The following C2orf42 variants were observed in gnomAD, a reference collection of about 807,000 sequenced individuals.
C2orf42 encodes the protein uncharacterized protein C2orf42.
In C2orf42, 44 loss-of-function variants were observed where a neutral mutation model predicts 58.9. That is an observed-to-expected ratio of 0.75 (90% CI 0.59 to 0.96). The LOEUF is 0.96. Ranked by LOEUF, C2orf42 falls within the 40% of genes least tolerant of loss-of-function variation. The pLI, the probability that C2orf42 is intolerant of heterozygous loss-of-function variation, is 0.00. For synonymous variants in C2orf42, 239 were observed against 265.4 expected (o/e 0.90, Z 0.97); for missense variants, 630 against 699.2 (o/e 0.90, Z 1.12).
At chr2:70,185,180 C>A (rs1376882883) in intron 1 of C2orf42, among the ~76,000 whole-genome samples, 1 of 152,080 alleles carries the variant, frequency 6.6e-6, no homozygotes, top group African/African-American at 2.4e-5. Context: ...GCGGGTGGAA[C>A]ACCTGAGGGC....
intron 6 of C2orf42, 62 bp downstream of exon 6, chr2:70,169,495 A>G (rs573027785): frequency 3.9e-5 from 33 of 836,738 alleles, no homozygotes; most frequent in Non-Finnish European, 6.3e-5. Flanking sequence ...GGAGAATTAC[A>G]GCACAATTAC....
intron 9 of C2orf42, among the ~76,000 whole-genome samples, chr2:70,153,946 G>A (rs1672476514): frequency 6.6e-6 from 1 of 151,176 alleles, no homozygotes; most frequent in Admixed American, 6.6e-5. Context: ...CCAGCTACTC[G>A]GGAGGCTGAG....
Position 70,175,550 on chromosome 2 carries a change from C to T in C2orf42, c.1039+123G>A, listed in dbSNP as rs1026076931. The T allele has an allele frequency of 1.0e-4, 72 of 723,614 alleles. No individual in the cohort carries two copies. The African/African-American group carries it at 1.1e-3, about 11-fold the overall frequency. The allele number at this position is 723,614 out of a possible 1,614,324, so 44.8% of individuals were successfully genotyped here. ...GGTGGGACAGGAGGGACCTCAGCCTCAGTGCTTCTGTTAGTATTTATGCTG... is the reference window on the plus strand; with the variant it reads ...GGTGGGACAGGAGGGACCTCAGCCTTAGTGCTTCTGTTAGTATTTATGCTG... On this transcript the variant is annotated intron_variant, in intron 5 of 9. Coordinates refer to ENST00000264434, the MANE Select transcript of C2orf42 (RefSeq NM_017880.3).
intron 5 of C2orf42, among the ~76,000 whole-genome samples, chr2:70,172,223 C>CA (rs1171174664): frequency 0.041 from 2,368 of 57,490 alleles, 69 homozygotes; most frequent in African/African-American, 0.1. Flanking sequence ...GACTCTGTCT[C>CA]AAAAAAAAAA....
At position 70,181,715 on chromosome 2, in the gene C2orf42, C is replaced by T. The variant is rs370670280; in HGVS notation, c.271G>A (p.Glu91Lys). 12 of 1,614,022 alleles carry T rather than the reference C, an allele frequency of 7.4e-6. No individual in the cohort carries two copies. Among genetic ancestry groups the T allele is most frequent in the African/African-American group, 1.3e-5 (1 of 74,894 alleles). ...DRGPDYRCFV[E>K]LGVSETTIQT... ...ATTGTTGTCTCTGAAACCCCGAGCT[C>T]CACAAAGCATCGGTAATCAGGGCCC... The change falls in exon 3 of 10, where the codon GAG becomes AAG. Residue 91 changes from glutamate to lysine, a missense_variant. By Grantham distance (56) the Glu-to-Lys change is moderately conservative. Transcript: ENST00000264434.
chr2:70,189,143 C>T (rs1300430360), intron 1 of C2orf42, among the ~76,000 whole-genome samples: 4 of 152,030 alleles, frequency 2.6e-5, no homozygotes, highest in Non-Finnish European at 1.5e-5. Context: ...CACGGTGGCT[C>T]ACACCTGTAA....
At chr2:70,157,583 G>A (rs1401727839) in intron 9 of C2orf42, among the ~76,000 whole-genome samples, 1 of 151,290 alleles carries the variant, frequency 6.6e-6, no homozygotes, top group African/African-American at 2.4e-5. Context: ...GATCATCTGA[G>A]GTTAGAAATT....
At chr2:70,161,607 G>A (rs1558659173) in intron 8 of C2orf42, among the ~76,000 whole-genome samples, 1 of 152,106 alleles carries the variant, frequency 6.6e-6, no homozygotes, top group Admixed American at 6.6e-5. Context: ...TTGGGAGGCT[G>A]AGGTAGGCGG....
rs749571233 is a variant in C2orf42, at chr2:70,150,475, G to A, written c.1606C>T (p.Arg536Trp). 2.3e-5 allele frequency: 37 copies of A among 1,613,950 alleles called. No individual in the cohort carries two copies. The highest frequency in any genetic ancestry group is 2.2e-5 in the East Asian group (1 of 44,898). ...ILPQSKIGELRIKFEYGHHRN... is the reference protein window; with the variant it reads ...ILPQSKIGELWIKFEYGHHRN... ...TGGTGGCCATACTCAAACTTGATCC[G>A]CAGCTCGCCAATCTTAGATTGGGGA... Residue 536 changes from arginine to tryptophan, a missense_variant, in exon 10 of 10, where the codon CGG becomes TGG. Arg to Trp is a moderately radical substitution (Grantham distance 101). Transcript: ENST00000264434.
intron 6 of C2orf42, among the ~76,000 whole-genome samples, chr2:70,168,943 G>C (rs1424865765): frequency 6.6e-6 from 1 of 151,896 alleles, no homozygotes; most frequent in East Asian, 1.9e-4. Flanking sequence ...TTGAACTCCT[G>C]ACCTCAAGTG....
At chr2:70,168,458 T>G (rs1673560597) in intron 6 of C2orf42, among the ~76,000 whole-genome samples, 1 of 150,586 alleles carries the variant, frequency 6.6e-6, no homozygotes, top group African/African-American at 2.4e-5. Context: ...TGGCTAATTT[T>G]TTTGTATTTT....
chr2:70,171,191 G>T (rs568330857), intron 5 of C2orf42, among the ~76,000 whole-genome samples: 1 of 152,244 alleles, frequency 6.6e-6, no homozygotes, highest in South Asian at 2.1e-4. Flanking sequence ...TGAGAGGATT[G>T]TTTGAGCCCA....
rs758877045 is a variant in C2orf42, at chr2:70,175,717, C to G, written c.995G>C (p.Ser332Thr). Residue 332 changes from serine (S) to threonine (T), a missense_variant, in exon 5 of 10, where the codon AGT (serine) becomes ACT (threonine). Ser to Thr is a moderately conservative substitution (Grantham distance 58). Transcript: ENST00000264434. ...QDAVSSNLRK[S>T]GLKKPVVASS... ...AGCAACCACAGGCTTTTTCAGGCCACTTTTCCTTAGATTACTGCTCACTGC... is the reference window on the plus strand; with the variant it reads ...AGCAACCACAGGCTTTTTCAGGCCAGTTTTCCTTAGATTACTGCTCACTGC... The G allele has an allele frequency of 5.6e-6, 9 of 1,613,776 alleles. No homozygotes were observed. The highest frequency in any genetic ancestry group is 1.1e-5 in the South Asian group (1 of 91,072).
chr2:70,152,411 A>C (rs1293600104), intron 9 of C2orf42, among the ~76,000 whole-genome samples: 1 of 152,232 alleles, frequency 6.6e-6, no homozygotes, highest in African/African-American at 2.4e-5. Flanking sequence ...ACATAGAAAA[A>C]GATAAAAACT....
chr2:70,183,667 C>T (rs1303870343), intron 1 of C2orf42, among the ~76,000 whole-genome samples: 1 of 150,738 alleles, frequency 6.6e-6, no homozygotes, highest in East Asian at 2.0e-4. Context: ...CTGCCCACCT[C>T]AGACTCCCAA....
intron 4 of C2orf42, among the ~76,000 whole-genome samples, chr2:70,179,261 A>G (rs1173040438): frequency 1.4e-5 from 2 of 146,412 alleles, no homozygotes; most frequent in Admixed American, 6.7e-5. Context: ...AAAAAAACCC[A>G]TAAGAACAAA....
chr2:70,169,711 CA>C, intron 5 of C2orf42, 50 bp from the exon 6 acceptor site: 1 of 827,272 alleles, frequency 1.2e-6, no homozygotes, highest in Non-Finnish European at 2.1e-6. Flanking sequence ...ACTTTTCTTA[CA>C]AAATAAACAG....
chr2:70,160,874 T>C, intron 8 of C2orf42, 87 bp from the exon 9 acceptor site: 2 of 791,274 alleles, frequency 2.5e-6, no homozygotes, highest in East Asian at 2.9e-5. Context: ...TCTTTTATTA[T>C]TCCTTCTTTC....
rs1326509123 is a variant in C2orf42, at chr2:70,179,570, G to A, written c.896C>T (p.Ala299Val). 2 of 1,564,232 alleles carry A rather than the reference G, an allele frequency of 1.3e-6. No homozygotes were observed. Among genetic ancestry groups the A allele is most frequent in the Admixed American group, 1.7e-5 (1 of 59,776 alleles). ...CTTTCTCCTCTTCTTTGACTTAGAGGCAGTAGACTCACAAGCAGATACTGT... is the reference window on the plus strand; with the variant it reads ...CTTTCTCCTCTTCTTTGACTTAGAGACAGTAGACTCACAAGCAGATACTGT... ...ESTVSACEST[A>V]SKSKKRRKDE... Residue 299 changes from alanine (A) to valine (V), a missense_variant, in exon 4 of 10, where the codon GCC (alanine) becomes GTC (valine). Physicochemically the swap from Ala to Val is moderately conservative, Grantham distance 64 (BLOSUM62 0). Transcript: ENST00000264434.
Sources: allele counts gnomAD v4.1 joint callset (sites outside exome capture counted in the v4.1 genomes callset), GRCh38; gene constraint gnomAD v4.1.1; transcripts MANE v1.5; gene names NCBI Gene and HGNC (gene_info 2026-07-23, HGNC 2026-07-21).